NFATC2: variants seen among roughly 807,000 people sequenced by gnomAD.
The protein encoded by NFATC2 is nuclear factor of activated T cells 2, also known as nuclear factor of activated T-cells, cytoplasmic 2.
Under a neutral mutation model 87.3 loss-of-function variants are expected in NFATC2, and 22 were observed. The observed-to-expected ratio is 0.25, with a 90% confidence interval of 0.18 to 0.36. The LOEUF (loss-of-function observed/expected upper bound fraction) is 0.36. NFATC2 is among the 10% of genes least tolerant of loss of function. The probability of loss-of-function intolerance (pLI) is 1.00; values close to 1 mark genes in which losing one functional copy is unlikely to be tolerated. For synonymous variants in NFATC2, 565 were observed against 542.2 expected, an observed-to-expected ratio of 1.04 and a Z score of -0.58; for missense variants, 1,149 against 1,259.1, an observed-to-expected ratio of 0.91 and a Z score of 1.32.
intron 9 of NFATC2, among the ~76,000 whole-genome samples, chr20:51,415,971 A>G (rs1163231390): frequency 6.6e-6 from 1 of 152,180 alleles, no homozygotes; most frequent in Non-Finnish European, 1.5e-5. Flanking sequence ...TAAAAATCCC[A>G]GAGATAGCTG....
intron 1 of NFATC2, among the ~76,000 whole-genome samples, chr20:51,531,655 C>T (rs532800627): frequency 1.3e-5 from 2 of 152,326 alleles, no homozygotes; most frequent in East Asian, 1.9e-4. Flanking sequence ...ATGTGTGACA[C>T]GGGGTGATGA....
chr20:51,397,763 T>G (rs944043639), intron 10 of NFATC2, among the ~76,000 whole-genome samples: 3 of 152,188 alleles, frequency 2.0e-5, no homozygotes, highest in African/African-American at 7.2e-5. Flanking sequence ...CTGGCAATCA[T>G]GCTTCTCAAG....
At chr20:51,515,007 G>C (rs994942232) in intron 3 of NFATC2, among the ~76,000 whole-genome samples, 8 of 152,336 alleles carry the variant, frequency 5.3e-5, no homozygotes, top group Non-Finnish European at 1.2e-4. Context: ...CCTGGGGACA[G>C]CTCCCCTGCC....
At chr20:51,522,955 GC>G in intron 2 of NFATC2, 125 bp downstream of exon 2, 1 of 1,345,824 alleles carries the variant, frequency 7.4e-7, no homozygotes, top group South Asian at 1.4e-5. Flanking sequence ...CCAGCAAGGG[GC>G]CAAGCCAAGA....
chr20:51,483,452 G>T lies in NFATC2; in HGVS notation c.1333-7792C>A, dbSNP rs1251556346. 2.0e-5 allele frequency among the ~76,000 whole-genome samples: 3 copies of T among 152,172 alleles called. No individual in the cohort carries two copies. In the East Asian group the frequency reaches 5.8e-4, roughly 29 times the overall value. On this transcript the variant is annotated intron_variant, in intron 3 of 10. Coordinates refer to ENST00000371564, the MANE Select transcript of NFATC2 (RefSeq NM_012340.5). ...CAGGGTGGGGGAGAAGGCCGAGCGG[G>T]AGGGTACCGGGGAAGAGGACTGCAA...
At chr20:51,394,937 C>T (rs997897566) in intron 10 of NFATC2, among the ~76,000 whole-genome samples, 10 of 152,188 alleles carry the variant, frequency 6.6e-5, no homozygotes, top group African/African-American at 2.4e-4. Flanking sequence ...ACTAAATTTC[C>T]AAGTAGCCCC....
chr20:51,553,675 CAA>C (rs35610887), intron 1 of NFATC2, among the ~76,000 whole-genome samples: 18 of 104,804 alleles, frequency 1.7e-4, no homozygotes, highest in East Asian at 2.9e-4. Flanking sequence ...GACTCCATCT[CAA>C]AAAAAAAAAA....
At chr20:51,452,885 A>G (rs1985975494) in intron 6 of NFATC2, 1 of 154,754 alleles carries the variant, frequency 6.5e-6, no homozygotes, top group Admixed American at 6.5e-5. Context: ...TTCAGGGGAT[A>G]GATGATGGAG....
At chr20:51,448,714 G>C (rs1459403619) in intron 6 of NFATC2, among the ~76,000 whole-genome samples, 1 of 152,182 alleles carries the variant, frequency 6.6e-6, no homozygotes, top group Non-Finnish European at 1.5e-5. Flanking sequence ...AGAAAGCCAA[G>C]GTCCTGAGAC....
rs1047594592 is a variant in NFATC2 at position 51,432,666 on chromosome 20, T to C, written c.2123A>G (p.Tyr708Cys). ...CTCGGCCACCATCGGGTGCTGGGGG[T>C]AGTAAGGCTGGCTCCCCAGGCCTCC... is the stretch of plus-strand genomic sequence containing the variant. ...THGGLGSQPY[Y>C]PQHPMVAESP... The change falls in exon 9 of 11, where the codon TAC (tyrosine) becomes TGC (cysteine). Residue 708 changes from tyrosine to cysteine, a missense_variant. Physicochemically the swap from Tyr to Cys is radical, Grantham distance 194. This residue lies in a region of NFATC2 where 581 missense variants were observed against 649.7 expected (regional missense o/e 0.89). Coordinates refer to ENST00000371564, the MANE Select transcript of NFATC2 (RefSeq NM_012340.5). This position sits in a 1 kb window ranked among gnomAD's most constrained non-coding sequence, Gnocchi z 4.6. The C allele has an allele frequency of 9.0e-6, 14 of 1,561,832 alleles. No homozygotes were observed. In the Middle Eastern group the frequency reaches 5.3e-4, roughly 59 times the overall value.
intron 5 of NFATC2, among the ~76,000 whole-genome samples, chr20:51,469,523 A>G (rs937424561): frequency 1.3e-5 from 2 of 151,276 alleles, no homozygotes; most frequent in African/African-American, 4.9e-5. Flanking sequence ...CCCCTACCCG[A>G]CTCCTCCTCC....
chr20:51,422,354 G>A (rs559444160), intron 9 of NFATC2, among the ~76,000 whole-genome samples: 2 of 152,216 alleles, frequency 1.3e-5, no homozygotes, highest in East Asian at 1.9e-4. Context: ...GGACCAGAAC[G>A]GACTCCTTCA....
chr20:51,447,261 G>A (rs1985187673), intron 6 of NFATC2, among the ~76,000 whole-genome samples: 2 of 152,106 alleles, frequency 1.3e-5, no homozygotes, highest in Admixed American at 6.6e-5. Flanking sequence ...TTGTCCTCTG[G>A]ACAGGTGATG....
rs1213695654 is a variant in NFATC2 at position 51,387,805 on chromosome 20, TTGAAA to T, written c.*3686_*3690del. ...AACTCCATCCATGCCTCTTGTAAAC[TTGAAA>T]TGAAAACATTCTTTCAATTCTGAGC... On this transcript the variant is annotated 3_prime_UTR_variant, in exon 11 of 11. Coordinates refer to ENST00000371564, the MANE Select transcript of NFATC2 (RefSeq NM_012340.5). The T allele has an allele frequency of 6.6e-6, 1 of 151,596 alleles. No homozygotes were observed. The highest frequency in any genetic ancestry group is 6.6e-5 in the Admixed American group (1 of 15,238). 9.4% of individuals were successfully genotyped at this position (151,596 alleles called of 1,614,324 possible).
chr20:51,538,298 T>C (rs1035735734), intron 1 of NFATC2, among the ~76,000 whole-genome samples: 1 of 152,120 alleles, frequency 6.6e-6, no homozygotes, highest in Non-Finnish European at 1.5e-5. Context: ...AACACATTAA[T>C]AGGTCTACGA....
At chr20:51,537,837 A>G (rs1259220077) in intron 1 of NFATC2, among the ~76,000 whole-genome samples, 1 of 152,230 alleles carries the variant, frequency 6.6e-6, no homozygotes, top group Non-Finnish European at 1.5e-5. Context: ...CCTCCACTAG[A>G]AAGAAAATTA....
chr20:51,496,732 A>G lies in NFATC2; in HGVS notation c.1332+20052T>C, dbSNP rs569207052. ...CACAAAGCCAATAAGTGGCAGAACC[A>G]GGATTCAAACCCAGGTCATCCGGCT... On this transcript the variant is annotated intron_variant, in intron 3 of 10. Coordinates refer to ENST00000371564, the MANE Select transcript of NFATC2 (RefSeq NM_012340.5). Among the ~76,000 whole-genome samples the G allele has an allele frequency of 9.7e-4, 148 of 152,326 alleles. 1 individual carries two copies. The highest frequency in any genetic ancestry group is 3.5e-3 in the African/African-American group (145 of 41,574).
rs1026252996 is a variant in NFATC2 at position 51,452,077 on chromosome 20, CAG to C, written c.1849+2469_1849+2470del. ...CCAAAAAGGTTGGGGACTGCTGGTG[CAG>C]AGTCTTCTTGCCTAGAGCAGACTTT... On this transcript the variant is annotated intron_variant, in intron 6 of 10. Transcript: ENST00000371564. 1.9e-3 allele frequency among the ~76,000 whole-genome samples: 294 copies of C among 152,268 alleles called. 2 individuals are homozygous for C. The highest frequency in any genetic ancestry group is 2.7e-3 in the Non-Finnish European group (183 of 68,008).
intron 6 of NFATC2, among the ~76,000 whole-genome samples, chr20:51,444,329 G>T (rs1423650578): frequency 6.6e-6 from 1 of 151,610 alleles, no homozygotes; most frequent in African/African-American, 2.4e-5. Flanking sequence ...AACTCCAGAA[G>T]AAAACCCCTA....
Sources: gnomAD v4.1 joint callset for allele counts (sites outside exome capture counted in the v4.1 genomes callset) on GRCh38, gnomAD v4.1.1 for gene constraint, gnomAD v4.1.1 regional missense constraint, Gnocchi (gnomAD v3.1) non-coding constraint, MANE v1.5 for transcripts, NCBI Gene and HGNC (gene_info 2026-07-23, HGNC 2026-07-21) for gene names.